The following FAM171A1 variants were observed in gnomAD, a reference collection of about 807,000 sequenced individuals.
FAM171A1 encodes protein FAM171A1.
FAM171A1 carries 23 observed loss-of-function variants against 74.9 expected under a neutral mutation model. The ratio of observed to expected loss-of-function variants is 0.31; its 90% CI spans 0.22 to 0.44. The LOEUF (loss-of-function observed/expected upper bound fraction) is 0.44. Ranked by LOEUF, FAM171A1 falls within the 20% of genes least tolerant of loss-of-function variation. The pLI is 1.00. For missense variants in FAM171A1, 1,162 were observed against 1,159.2 expected, an observed-to-expected ratio of 1.00 and a Z score of -0.03; for synonymous variants, 527 against 505.7, an observed-to-expected ratio of 1.04 and a Z score of -0.57.
chr10:15,315,978 G>A (rs915134703), intron 1 of FAM171A1, among the ~76,000 whole-genome samples: 2 of 152,070 alleles, frequency 1.3e-5, no homozygotes, highest in African/African-American at 4.8e-5. Context: ...TTTCCCCCAG[G>A]TGTGTTTTTT....
At chr10:15,335,327 A>G (rs1835688357) in intron 1 of FAM171A1, among the ~76,000 whole-genome samples, 1 of 152,210 alleles carries the variant, frequency 6.6e-6, no homozygotes, top group Admixed American at 6.5e-5. Flanking sequence ...ATAAGAAGTC[A>G]ACACACACAC....
chr10:15,268,165 G>A (rs923297632), intron 3 of FAM171A1, among the ~76,000 whole-genome samples: 1 of 152,180 alleles, frequency 6.6e-6, no homozygotes, highest in African/African-American at 2.4e-5. Flanking sequence ...GAGGCCCAGG[G>A]CCAGGGGATT....
intron 1 of FAM171A1, among the ~76,000 whole-genome samples, chr10:15,287,777 T>C (rs1282822745): frequency 6.6e-6 from 1 of 152,202 alleles, no homozygotes; most frequent in African/African-American, 2.4e-5. Flanking sequence ...TATTTATTTA[T>C]TTCCGTAGGT....
intron 5 of FAM171A1, among the ~76,000 whole-genome samples, chr10:15,233,521 G>GGT (rs61637156): frequency 0.2 from 29,490 of 145,142 alleles, 2,902 homozygotes; most frequent in African/African-American, 0.24. Flanking sequence ...GTGTATTCAG[G>GGT]GTGTGTGTGT....
At chr10:15,323,596 T>C (rs1835514304) in intron 1 of FAM171A1, among the ~76,000 whole-genome samples, 1 of 152,138 alleles carries the variant, frequency 6.6e-6, no homozygotes, top group Admixed American at 6.6e-5. Flanking sequence ...TAATCAGAAA[T>C]GGACTTGGTG....
chr10:15,359,598 C>G (rs1835970053), intron 1 of FAM171A1, among the ~76,000 whole-genome samples: 1 of 152,182 alleles, frequency 6.6e-6, no homozygotes, highest in Non-Finnish European at 1.5e-5. Flanking sequence ...TCCCCGGAAC[C>G]TGTCAATACA....
intron 3 of FAM171A1, among the ~76,000 whole-genome samples, chr10:15,263,845 T>A (rs1029428949): frequency 1.3e-5 from 2 of 148,396 alleles, no homozygotes; most frequent in Admixed American, 7.0e-5. Context: ...TATACATTTA[T>A]CTCATCTATC....
At chr10:15,227,045 G>A (rs1026397214) in intron 5 of FAM171A1, among the ~76,000 whole-genome samples, 12 of 152,160 alleles carry the variant, frequency 7.9e-5, no homozygotes, top group African/African-American at 2.9e-4. Context: ...TTTTGCCCAG[G>A]CTGGAGTGCA....
chr10:15,229,894 CCATCAT>C (rs1834180456), intron 5 of FAM171A1, among the ~76,000 whole-genome samples: 2 of 66,288 alleles, frequency 3.0e-5, no homozygotes. Flanking sequence ...ACCACCATCA[CCATCAT>C]CACCATCACC....
intron 5 of FAM171A1, chr10:15,241,853 G>A (rs780177454): frequency 1.1e-4 from 16 of 152,030 alleles, no homozygotes; most frequent in Admixed American, 3.3e-4. Context: ...TAATCATCCT[G>A]AAGAACTAAA....
chr10:15,300,754 G>A (rs1399583838), intron 1 of FAM171A1, among the ~76,000 whole-genome samples: 6 of 152,120 alleles, frequency 3.9e-5, no homozygotes, highest in African/African-American at 1.4e-4. Context: ...GTAAGAAATG[G>A]GGTAGTGGCC....
intron 5 of FAM171A1, among the ~76,000 whole-genome samples, chr10:15,228,916 C>T (rs79061354): frequency 0.14 from 21,352 of 152,206 alleles, 1,638 homozygotes; most frequent in Middle Eastern, 0.18. Flanking sequence ...TTCTTTGTCA[C>T]GTAAACACTA....
chr10:15,261,255 G>A (rs1346552829), intron 3 of FAM171A1, among the ~76,000 whole-genome samples: 1 of 152,206 alleles, frequency 6.6e-6, no homozygotes, highest in Non-Finnish European at 1.5e-5. Context: ...AAGCCGGAGG[G>A]TTGCAGAGGT....
chr10:15,224,262 G>GT (rs1432109258), intron 5 of FAM171A1, among the ~76,000 whole-genome samples: 2 of 152,190 alleles, frequency 1.3e-5, no homozygotes, highest in African/African-American at 4.8e-5. Context: ...CAAAGGCCTG[G>GT]TGTGGTGGGC....
intron 1 of FAM171A1, among the ~76,000 whole-genome samples, chr10:15,303,933 C>G (rs1835263349): frequency 6.6e-6 from 1 of 152,190 alleles, no homozygotes. Flanking sequence ...GCTGACCTGC[C>G]CTCCTTGTGC....
chr10:15,213,237 G>A lies in FAM171A1; in HGVS notation c.2351C>T (p.Ala784Val). The change falls in exon 8 of 8, where the codon GCC becomes GTC. Residue 784 changes from alanine (A) to valine (V), a missense_variant. Coordinates refer to ENST00000378116, the MANE Select transcript of FAM171A1 (RefSeq NM_001010924.2). This position sits in a 1 kb window ranked among gnomAD's most constrained non-coding sequence, Gnocchi z 6.8. ...QKEPRAPDST[A>V]YTQLVYLDDV... The stretch of plus-strand genomic sequence containing the variant: ...ATCCAGGTACACGAGCTGCGTGTAG[G>A]CCGTGCTGTCTGGGGCTCGAGGCTC... 6.2e-7 allele frequency: 1 copy of A among 1,614,076 alleles called. No homozygotes were observed. Among genetic ancestry groups the A allele is most frequent in the Non-Finnish European group, 8.5e-7 (1 of 1,180,022 alleles).
chr10:15,326,566 G>A (rs1271801189), intron 1 of FAM171A1, among the ~76,000 whole-genome samples: 4 of 151,852 alleles, frequency 2.6e-5, no homozygotes, highest in Non-Finnish European at 5.9e-5. Flanking sequence ...CACCTGCCTC[G>A]GCCTCCCAAA....
At chr10:15,223,210 T>A (rs933176655) in intron 5 of FAM171A1, among the ~76,000 whole-genome samples, 4 of 152,098 alleles carry the variant, frequency 2.6e-5, no homozygotes, top group African/African-American at 9.7e-5. Flanking sequence ...AAAAAGGTTT[T>A]CTCTGATGGT....
In FAM171A1 at chr10:15,340,361, A is replaced by C. The variant is rs371898904; in HGVS notation, c.97+30595T>G. Among the ~76,000 whole-genome samples the C allele has an allele frequency of 9.2e-5, 14 of 152,310 alleles. 1 individual carries two copies. The highest frequency in any genetic ancestry group is 3.1e-4 in the African/African-American group (13 of 41,562). ...TGTTGATGGGATGCAGGAGAGTCAC[A>C]GGCCTCCCTCTGCCTAAAAGGCTTT... On this transcript the variant is annotated intron_variant, in intron 1 of 7. Coordinates refer to ENST00000378116, the MANE Select transcript of FAM171A1 (RefSeq NM_001010924.2).
Sources: gnomAD v4.1 joint callset for allele counts (sites outside exome capture counted in the v4.1 genomes callset) on GRCh38, gnomAD v4.1.1 for gene constraint, Gnocchi (gnomAD v3.1) non-coding constraint, MANE v1.5 for transcripts, NCBI Gene and HGNC (gene_info 2026-07-23, HGNC 2026-07-21) for gene names.